KHDRBS3: variants seen among roughly 807,000 people sequenced by gnomAD.
KHDRBS3 encodes the protein KH RNA binding domain containing, signal transduction associated 3.
KHDRBS3 carries 23 observed loss-of-function variants against 45.6 expected under a neutral mutation model. The ratio of observed to expected loss-of-function variants is 0.50; its 90% CI spans 0.36 to 0.72. KHDRBS3 has a LOEUF of 0.72. Ranked by LOEUF, KHDRBS3 falls within the 30% of genes least tolerant of loss-of-function variation. KHDRBS3 has a pLI of 0.00. For missense variants in KHDRBS3, 352 were observed against 424.8 expected (o/e 0.83, Z 1.51); for synonymous variants, 162 against 156.5 (o/e 1.04, Z -0.26).
At chr8:135,506,852 C>T (rs538709910) in intron 1 of KHDRBS3, among the ~76,000 whole-genome samples, 1 of 151,674 alleles carries the variant, frequency 6.6e-6, no homozygotes, top group South Asian at 2.1e-4. Flanking sequence ...ACTGACAAAT[C>T]TAACCCTTTT....
intron 5 of KHDRBS3, among the ~76,000 whole-genome samples, chr8:135,579,703 A>G (rs1465043716): frequency 1.3e-5 from 2 of 152,170 alleles, no homozygotes; most frequent in African/African-American, 4.8e-5. Flanking sequence ...CATTGGCCGC[A>G]TGCTTTTTCT....
intron 6 of KHDRBS3, among the ~76,000 whole-genome samples, chr8:135,606,031 C>T (rs142933759): frequency 2.6e-4 from 39 of 152,168 alleles, no homozygotes; most frequent in African/African-American, 9.2e-4. Context: ...TATAAAGTCT[C>T]TATTTCTTGT....
At position 135,580,943 on chromosome 8, in the gene KHDRBS3, T is replaced by G. The variant is rs1828176298; in HGVS notation, c.612-935T>G. ...CCTCTTCATTTCTGATATTGGTGTT[T>G]GGGCTTTTTTTTTCTCTTTAGCCTG... On this transcript the variant is annotated intron_variant, in intron 5 of 8. Transcript: ENST00000355849. Among the ~76,000 whole-genome samples the G allele has an allele frequency of 6.6e-5, 10 of 152,350 alleles. No individual in the cohort carries two copies. In the South Asian group the frequency reaches 2.1e-3, roughly 32 times the overall value.
At chr8:135,531,170 G>A (rs1825455924) in intron 2 of KHDRBS3, among the ~76,000 whole-genome samples, 1 of 152,060 alleles carries the variant, frequency 6.6e-6, no homozygotes, top group African/African-American at 2.4e-5. Context: ...GTGTGTGCAT[G>A]TCTATGTTTT....
chr8:135,568,325 T>C (rs1194942794), intron 5 of KHDRBS3, among the ~76,000 whole-genome samples: 1 of 152,160 alleles, frequency 6.6e-6, no homozygotes, highest in Non-Finnish European at 1.5e-5. Context: ...GTTTTCAATA[T>C]AGAGCTTTTT....
intron 4 of KHDRBS3, 71 bp downstream of exon 4, chr8:135,548,971 C>A: frequency 2.8e-6 from 3 of 1,090,070 alleles, no homozygotes; most frequent in Non-Finnish European, 3.8e-6. Flanking sequence ...TACTTCTTGT[C>A]TGTAACTGTT....
chr8:135,469,219 A>T (rs1821852418), intron 1 of KHDRBS3, among the ~76,000 whole-genome samples: 1 of 152,212 alleles, frequency 6.6e-6, no homozygotes, highest in African/African-American at 2.4e-5. Context: ...TCAAAAAAGG[A>T]TTTTATTACA....
chr8:135,458,916 T>C, intron 1 of KHDRBS3: 1 of 456,286 alleles, frequency 2.2e-6, no homozygotes. Flanking sequence ...GCACGGTAAA[T>C]TAAGCCTTCC....
intron 7 of KHDRBS3, among the ~76,000 whole-genome samples, chr8:135,614,217 A>G (rs537572384): frequency 9.2e-5 from 14 of 151,968 alleles, no homozygotes; most frequent in African/African-American, 3.1e-4. Context: ...CATTGGCTCA[A>G]AAATAGATGT....
chr8:135,472,409 C>T (rs1822062311), intron 1 of KHDRBS3, among the ~76,000 whole-genome samples: 2 of 152,238 alleles, frequency 1.3e-5, no homozygotes, highest in Non-Finnish European at 2.9e-5. Flanking sequence ...CTACTAGACT[C>T]CAGGCCCTAG....
downstream of KHDRBS3, among the ~76,000 whole-genome samples, chr8:135,651,451 G>A (rs1831426477): frequency 1.3e-5 from 2 of 152,060 alleles, no homozygotes; most frequent in Non-Finnish European, 2.9e-5. Flanking sequence ...GATCATTGAG[G>A]AAACTTCAGG....
chr8:135,496,444 G>C (rs1823453702), intron 1 of KHDRBS3, among the ~76,000 whole-genome samples: 1 of 151,978 alleles, frequency 6.6e-6, no homozygotes, highest in Non-Finnish European at 1.5e-5. Context: ...TGTTGGCCAG[G>C]CTGGTCTCGA....
chr8:135,536,651 A>G (rs1212456980), intron 2 of KHDRBS3, among the ~76,000 whole-genome samples: 1 of 152,160 alleles, frequency 6.6e-6, no homozygotes, highest in Non-Finnish European at 1.5e-5. Context: ...GGGAGGACTG[A>G]AGAAAATGGA....
chr8:135,504,857 T>A (rs991469577), intron 1 of KHDRBS3, among the ~76,000 whole-genome samples: 1 of 152,192 alleles, frequency 6.6e-6, no homozygotes, highest in Non-Finnish European at 1.5e-5. Context: ...ATTACATAGA[T>A]GCCATTTTCT....
chr8:135,464,753 G>A (rs1237160952), intron 1 of KHDRBS3, among the ~76,000 whole-genome samples: 1 of 152,140 alleles, frequency 6.6e-6, no homozygotes, highest in Non-Finnish European at 1.5e-5. Context: ...AAAAGAGTAA[G>A]TCATTTTACC....
chr8:135,644,776 G>GT (rs1195688931), intron 7 of KHDRBS3, among the ~76,000 whole-genome samples: 1 of 152,150 alleles, frequency 6.6e-6, no homozygotes, highest in Non-Finnish European at 1.5e-5. Context: ...GTATTCCCTC[G>GT]TGCACTTTTA....
At chr8:135,533,543 G>C (rs1418464070) in intron 2 of KHDRBS3, among the ~76,000 whole-genome samples, 1 of 152,112 alleles carries the variant, frequency 6.6e-6, no homozygotes, top group Non-Finnish European at 1.5e-5. Context: ...AATATGGGTG[G>C]GGATAATTCT....
chr8:135,459,179 A>G (rs1212905286), intron 1 of KHDRBS3, among the ~76,000 whole-genome samples: 1 of 152,222 alleles, frequency 6.6e-6, no homozygotes, highest in African/African-American at 2.4e-5. Context: ...CTATTTGTAT[A>G]TAGATACCTA....
intron 1 of KHDRBS3, among the ~76,000 whole-genome samples, chr8:135,501,831 T>C (rs1178207563): frequency 6.6e-6 from 1 of 152,204 alleles, no homozygotes; most frequent in African/African-American, 2.4e-5. Flanking sequence ...CATTTTCATA[T>C]GCTGTTGTAT....
Sources: allele counts gnomAD v4.1 joint callset (sites outside exome capture counted in the v4.1 genomes callset), GRCh38; gene constraint gnomAD v4.1.1; transcripts MANE v1.5; gene names NCBI Gene and HGNC (gene_info 2026-07-23, HGNC 2026-07-21).